The following RBFOX1 variants were observed in gnomAD, a reference collection of about 807,000 sequenced individuals.
RBFOX1 encodes the protein RNA binding protein fox-1 homolog 1.
RBFOX1 carries 8 observed loss-of-function variants against 57.7 expected under a neutral mutation model. The ratio of observed to expected loss-of-function variants is 0.14; its 90% CI spans 0.08 to 0.25. RBFOX1 has a LOEUF of 0.25. RBFOX1 is among the 10% of genes least tolerant of loss of function. RBFOX1 has a pLI of 1.00. For synonymous variants in RBFOX1, 326 were observed against 222.4 expected (o/e 1.47, Z -4.15); for missense variants, 611 against 548.5 (o/e 1.11, Z -1.14).
intron 3 of RBFOX1, among the ~76,000 whole-genome samples, chr16:6,878,093 A>G (rs1344188095): frequency 6.6e-6 from 1 of 152,176 alleles, no homozygotes; most frequent in Non-Finnish European, 1.5e-5. Context: ...AATGGCTGAG[A>G]TATATGGTGG....
At chr16:5,389,648 T>C (rs1266611660) in intron 1 of RBFOX1, among the ~76,000 whole-genome samples, 1 of 152,066 alleles carries the variant, frequency 6.6e-6, no homozygotes, top group African/African-American at 2.4e-5. Flanking sequence ...TTTCCATCCT[T>C]TTTTGCTGCT....
chr16:5,950,785 T>C (rs1282700743), intron 4 of RBFOX1, among the ~76,000 whole-genome samples: 1 of 152,074 alleles, frequency 6.6e-6, no homozygotes, highest in African/African-American at 2.4e-5. Flanking sequence ...TTTTTTTCCC[T>C]TGAGGGTAGG....
intron 4 of RBFOX1, among the ~76,000 whole-genome samples, chr16:7,154,214 T>C (rs1287440169): frequency 6.6e-6 from 1 of 152,188 alleles, no homozygotes; most frequent in Non-Finnish European, 1.5e-5. Flanking sequence ...ACCAGGATCA[T>C]GTTACTGCCT....
chr16:7,120,613 T>G (rs543821615), intron 4 of RBFOX1, among the ~76,000 whole-genome samples: 99 of 151,650 alleles, frequency 6.5e-4, no homozygotes, highest in African/African-American at 2.3e-3. Context: ...TTCAATAGAC[T>G]TATTTAAAAT....
intron 3 of RBFOX1, among the ~76,000 whole-genome samples, chr16:6,811,942 A>C (rs2088737583): frequency 6.6e-6 from 1 of 152,112 alleles, no homozygotes; most frequent in Non-Finnish European, 1.5e-5. Context: ...AAATACTGAA[A>C]TAAGTTGCAG....
At chr16:6,500,660 AG>A (rs2095883264) in intron 2 of RBFOX1, among the ~76,000 whole-genome samples, 1 of 152,160 alleles carries the variant, frequency 6.6e-6, no homozygotes, top group South Asian at 2.1e-4. Flanking sequence ...CAGAGGCTTA[AG>A]AATGGCAAGA....
intron 1 of RBFOX1, among the ~76,000 whole-genome samples, chr16:6,256,279 ATATGTGTG>A (rs2097666216): frequency 1.6e-5 from 2 of 128,274 alleles, no homozygotes; most frequent in African/African-American, 6.8e-5. Flanking sequence ...ATGTATATAT[ATATGTGTG>A]TATATATATA....
chr16:7,248,374 A>C (rs551254846), intron 4 of RBFOX1, among the ~76,000 whole-genome samples: 1 of 152,188 alleles, frequency 6.6e-6, no homozygotes, highest in Non-Finnish European at 1.5e-5. Flanking sequence ...AGGATGCCCT[A>C]TGTGGGTATC....
chr16:6,236,901 C>T (rs1203743716), intron 1 of RBFOX1, among the ~76,000 whole-genome samples: 1 of 152,148 alleles, frequency 6.6e-6, no homozygotes, highest in East Asian at 1.9e-4. Context: ...GCCATATGCC[C>T]AAGGTCACAC....
rs2069065168 is a variant in RBFOX1, at chr16:7,497,483, T to G, written c.28-20664T>G. ...TTTATACTTATAAAATCCATGACAC[T>G]TGCTTTGATCATCGATTTTTTGGTA... is the stretch of plus-strand genomic sequence containing the variant. On this transcript the variant is annotated intron_variant, in intron 4 of 15. Coordinates refer to ENST00000550418, the MANE Select transcript of RBFOX1 (RefSeq NM_018723.4). Among the ~76,000 whole-genome samples, 3 of 152,220 alleles carry G rather than the reference T, an allele frequency of 2.0e-5. No homozygotes were observed. In the South Asian group the frequency reaches 6.2e-4, roughly 32 times the overall value.
chr16:5,710,424 G>T (rs565420068), intron 3 of RBFOX1, among the ~76,000 whole-genome samples: 1 of 152,238 alleles, frequency 6.6e-6, no homozygotes, highest in Middle Eastern at 3.4e-3. Flanking sequence ...GCGCAGTTGC[G>T]GGCCTCCAAG....
At chr16:6,754,374 A>T (rs1361662871) in intron 3 of RBFOX1, among the ~76,000 whole-genome samples, 1 of 152,210 alleles carries the variant, frequency 6.6e-6, no homozygotes, top group East Asian at 1.9e-4. Flanking sequence ...TTGGAATTAA[A>T]TTTATTTGTA....
At chr16:6,483,947 C>T in intron 2 of RBFOX1, 16 of 1,053,942 alleles carry the variant, frequency 1.5e-5, no homozygotes, top group Non-Finnish European at 1.7e-5. Flanking sequence ...CCGGGGACCT[C>T]GGAGACTGTG....
chr16:6,895,491 T>TATGTTTA (rs1555588839), intron 3 of RBFOX1, among the ~76,000 whole-genome samples: 1 of 132,610 alleles, frequency 7.5e-6, no homozygotes, highest in African/African-American at 2.9e-5. Context: ...TATATATTTA[T>TATGTTTA]TCCCCTATTG....
chr16:7,133,582 C>G (rs1013601415), intron 4 of RBFOX1, among the ~76,000 whole-genome samples: 10 of 152,076 alleles, frequency 6.6e-5, no homozygotes, highest in African/African-American at 2.4e-4. Context: ...GAAAGATACA[C>G]ACATGATTAA....
intron 2 of RBFOX1, among the ~76,000 whole-genome samples, chr16:5,522,688 C>G (rs1332735551): frequency 6.6e-6 from 1 of 152,208 alleles, no homozygotes; most frequent in Non-Finnish European, 1.5e-5. Flanking sequence ...TCCACTCCCC[C>G]TCACCCAGAC....
chr16:5,529,409 TA>T (rs1005528874), intron 2 of RBFOX1, among the ~76,000 whole-genome samples: 3 of 147,708 alleles, frequency 2.0e-5, no homozygotes, highest in Non-Finnish European at 4.5e-5. Context: ...TTTTTTTTTT[TA>T]ATTTGAGACA....
At chr16:5,418,117 T>A (rs1260151600) in intron 1 of RBFOX1, among the ~76,000 whole-genome samples, 1 of 151,526 alleles carries the variant, frequency 6.6e-6, no homozygotes, top group Non-Finnish European at 1.5e-5. Context: ...CTGTAAACTA[T>A]GCAGAAATGT....
Position 7,520,150 on chromosome 16 carries a change from G to T in RBFOX1, c.270+1761G>T, listed in dbSNP as rs181466047. ...TCTGCCTGTCTCGGCCTCCCAAAGT[G>T]CTGGGATTACAGGCGTGAGCCACCG... On this transcript the variant is annotated intron_variant, in intron 5 of 15. Coordinates refer to ENST00000550418, the MANE Select transcript of RBFOX1 (RefSeq NM_018723.4). 5.1e-4 allele frequency among the ~76,000 whole-genome samples: 77 copies of T among 152,292 alleles called. No homozygotes were observed. The East Asian group carries it at 0.014, about 27-fold the overall frequency.
Sources: gnomAD v4.1 joint callset for allele counts (sites outside exome capture counted in the v4.1 genomes callset) on GRCh38, gnomAD v4.1.1 for gene constraint, MANE v1.5 for transcripts, NCBI Gene and HGNC (gene_info 2026-07-23, HGNC 2026-07-21) for gene names.